Variants in DDX10 observed in about 807,000 individuals in gnomAD.
DDX10 encodes probable ATP-dependent RNA helicase DDX10.
DDX10 carries 74 observed loss-of-function variants against 104.3 expected under a neutral mutation model. The ratio of observed to expected loss-of-function variants is 0.71; its 90% CI spans 0.59 to 0.86. The LOEUF (loss-of-function observed/expected upper bound fraction) is 0.86, where lower values mean the gene tolerates loss of function less well. DDX10 is among the 40% of genes least tolerant of loss of function. DDX10 has a pLI of 0.00. For missense variants in DDX10, 952 were observed against 1,040.0 expected, an observed-to-expected ratio of 0.92 and a Z score of 1.16; for synonymous variants, 351 against 353.4, an observed-to-expected ratio of 0.99 and a Z score of 0.08.
At chr11:108,896,917 A>T (rs918326742) in intron 16 of DDX10, among the ~76,000 whole-genome samples, 2 of 151,566 alleles carry the variant, frequency 1.3e-5, no homozygotes, top group African/African-American at 4.9e-5. Context: ...AAAAAGTAGA[A>T]AGACTTTTTT....
At chr11:108,705,622 A>G (rs2094274749) in intron 9 of DDX10, among the ~76,000 whole-genome samples, 1 of 152,144 alleles carries the variant, frequency 6.6e-6, no homozygotes, top group African/African-American at 2.4e-5. Flanking sequence ...TATGTTCTTT[A>G]CAGTTCATGC....
chr11:108,850,342 A>AT (rs1246892101), intron 15 of DDX10, among the ~76,000 whole-genome samples: 1 of 152,100 alleles, frequency 6.6e-6, no homozygotes, highest in Non-Finnish European at 1.5e-5. Context: ...AAAATTGTCC[A>AT]TTTTTTTCTG....
At chr11:108,886,896 G>A (rs1207950355) in intron 16 of DDX10, among the ~76,000 whole-genome samples, 1 of 152,122 alleles carries the variant, frequency 6.6e-6, no homozygotes, top group African/African-American at 2.4e-5. Context: ...AAATTCATGT[G>A]CTATTCTGGA....
rs2094279780 is a variant in DDX10 at position 108,708,548 on chromosome 11, G to T, written c.1322+1711G>T. Among the ~76,000 whole-genome samples the T allele has an allele frequency of 2.0e-5, 3 of 150,238 alleles. No individual in the cohort carries two copies. The Admixed American group carries it at 2.0e-4, about 10-fold the overall frequency. On this transcript the variant is annotated intron_variant, in intron 10 of 17. Coordinates refer to ENST00000322536, the MANE Select transcript of DDX10 (RefSeq NM_004398.4). Reference sequence around the variant, plus strand: ...TAGTTTCAAATTCCATTTATTTATTGCTGGTAAATTGGTGTTCATAGTATT... The same window carrying T: ...TAGTTTCAAATTCCATTTATTTATTTCTGGTAAATTGGTGTTCATAGTATT...
chr11:108,877,788 G>C (rs1863172506), intron 16 of DDX10, among the ~76,000 whole-genome samples: 2 of 152,152 alleles, frequency 1.3e-5, no homozygotes, highest in Admixed American at 6.5e-5. Flanking sequence ...TAAGGAGAGG[G>C]TAGAAACGCA....
intron 13 of DDX10, among the ~76,000 whole-genome samples, chr11:108,810,399 G>A (rs1012100188): frequency 6.6e-6 from 1 of 152,044 alleles, no homozygotes; most frequent in African/African-American, 2.4e-5. Flanking sequence ...CATGAGAGCA[G>A]TGATGACAAT....
chr11:108,712,878 A>G (rs773963190), intron 10 of DDX10, among the ~76,000 whole-genome samples: 3 of 151,672 alleles, frequency 2.0e-5, no homozygotes, highest in African/African-American at 4.8e-5. Flanking sequence ...AGTTTTGTCA[A>G]TTTTTGTTTG....
At chr11:108,801,064 G>A (rs1862014061) in intron 13 of DDX10, among the ~76,000 whole-genome samples, 1 of 152,220 alleles carries the variant, frequency 6.6e-6, no homozygotes, top group Non-Finnish European at 1.5e-5. Context: ...GACTCGGGAA[G>A]ACGAGGATAG....
intron 1 of DDX10, among the ~76,000 whole-genome samples, chr11:108,670,622 G>T (rs1033128198): frequency 1.3e-5 from 2 of 151,862 alleles, no homozygotes; most frequent in African/African-American, 4.9e-5. Context: ...GTATTTCTAA[G>T]GGGTGGTGTG....
chr11:108,713,044 G>T (rs888334146), intron 10 of DDX10, among the ~76,000 whole-genome samples: 5 of 151,958 alleles, frequency 3.3e-5, no homozygotes, highest in Admixed American at 3.3e-4. Flanking sequence ...TCCTGTCTTT[G>T]TTCCTCTATA....
chr11:108,799,700 C>T (rs1861992984), intron 13 of DDX10, among the ~76,000 whole-genome samples: 1 of 152,142 alleles, frequency 6.6e-6, no homozygotes, highest in African/African-American at 2.4e-5. Context: ...TTTCATCCTC[C>T]TCTGGAATGT....
intron 14 of DDX10, among the ~76,000 whole-genome samples, chr11:108,839,065 C>T (rs1170197190): frequency 6.6e-6 from 1 of 152,180 alleles, no homozygotes; most frequent in Non-Finnish European, 1.5e-5. Flanking sequence ...TTTCCCTTAG[C>T]CGTATTGTAA....
chr11:108,940,512 G>T lies in DDX10; in HGVS notation c.*89G>T. On this transcript the variant is annotated 3_prime_UTR_variant, in exon 18 of 18. Coordinates refer to ENST00000322536, the MANE Select transcript of DDX10 (RefSeq NM_004398.4). ...AAACAGTTGATTTGGGGGCACTTAG[G>T]TACCATATGCCCCATTCCCAAAGGG... 7.4e-7 allele frequency: 1 copy of T among 1,352,178 alleles called. No individual in the cohort carries two copies. The allele number at this position is 1,352,178 out of a possible 1,614,324, so 83.8% of individuals were successfully genotyped here.
At chr11:108,868,035 T>G (rs542306490) in intron 16 of DDX10, among the ~76,000 whole-genome samples, 2 of 152,246 alleles carry the variant, frequency 1.3e-5, no homozygotes, top group South Asian at 4.2e-4. Flanking sequence ...ATATTGTAGC[T>G]TTGCATATAC....
At chr11:108,924,909 C>T (rs1863888225) in intron 17 of DDX10, among the ~76,000 whole-genome samples, 1 of 152,206 alleles carries the variant, frequency 6.6e-6, no homozygotes, top group Non-Finnish European at 1.5e-5. Flanking sequence ...TTGAACCTCT[C>T]CTTCATTATG....
chr11:108,760,146 G>C (rs1425142774), intron 13 of DDX10, among the ~76,000 whole-genome samples: 1 of 151,450 alleles, frequency 6.6e-6, no homozygotes, highest in Non-Finnish European at 1.5e-5. Flanking sequence ...TGTGTTTTCT[G>C]TATGGTGTAC....
intron 16 of DDX10, among the ~76,000 whole-genome samples, chr11:108,899,257 A>T (rs7929071): frequency 0.038 from 5,691 of 148,468 alleles, 402 homozygotes; most frequent in African/African-American, 0.13. Flanking sequence ...CCCCCGTGTT[A>T]AGTTATAAAT....
At chr11:108,680,306 C>T (rs2094232932) in intron 6 of DDX10, among the ~76,000 whole-genome samples, 1 of 152,234 alleles carries the variant, frequency 6.6e-6, no homozygotes, top group Admixed American at 6.5e-5. Context: ...CCTTCAACTT[C>T]TGGGCTCAAA....
chr11:108,881,690 T>C (rs1375043477), intron 16 of DDX10, among the ~76,000 whole-genome samples: 2 of 152,180 alleles, frequency 1.3e-5, no homozygotes, highest in Non-Finnish European at 2.9e-5. Context: ...GATAGGCTAA[T>C]GAAAGCATTC....
Sources: gnomAD v4.1 joint callset for allele counts (sites outside exome capture counted in the v4.1 genomes callset) on GRCh38, gnomAD v4.1.1 for gene constraint, MANE v1.5 for transcripts, NCBI Gene and HGNC (gene_info 2026-07-23, HGNC 2026-07-21) for gene names.